The following GPC3 variants were observed in gnomAD, a reference collection of about 807,000 sequenced individuals.
GPC3 encodes the protein glypican 3.
In GPC3, 3 loss-of-function variants were observed where a neutral mutation model predicts 34.4. The ratio of observed to expected loss-of-function variants is 0.09; its 90% CI spans 0.04 to 0.23. GPC3 has a LOEUF of 0.23. Among genes scored for constraint, GPC3 ranks in the 10% least tolerant of loss-of-function variants. The pLI, the probability that GPC3 is intolerant of heterozygous loss-of-function variation, is 1.00. For missense variants in GPC3, 351 were observed against 445.6 expected, an observed-to-expected ratio of 0.79 and a Z score of 1.91; for synonymous variants, 177 against 174.0, an observed-to-expected ratio of 1.02 and a Z score of -0.13.
At chrX:133,592,487 A>G (rs1390362117) in intron 7 of GPC3, among the ~76,000 whole-genome samples, 1 of 110,114 alleles carries the variant, frequency 9.1e-6, no homozygotes, top group East Asian at 2.9e-4. Flanking sequence ...CACAGTGTTT[A>G]GAGCATAATA....
chrX:133,792,020 A>G (rs2072169673), intron 2 of GPC3, among the ~76,000 whole-genome samples: 1 of 108,040 alleles, frequency 9.3e-6, no homozygotes, highest in South Asian at 4.1e-4. Context: ...AGCTGGGACT[A>G]CAGACATGTG....
intron 7 of GPC3, among the ~76,000 whole-genome samples, chrX:133,581,632 T>C (rs1277632943): frequency 2.7e-5 from 3 of 112,647 alleles, no homozygotes; most frequent in Admixed American, 9.4e-5. Flanking sequence ...AATGCTTTCA[T>C]TGACTTTTGT....
At chrX:133,583,731 A>G (rs1488615452) in intron 7 of GPC3, among the ~76,000 whole-genome samples, 3 of 112,178 alleles carry the variant, frequency 2.7e-5, no homozygotes, top group Non-Finnish European at 5.6e-5. Context: ...TCTCAGGGCA[A>G]TCCATTCAAT....
intron 7 of GPC3, 129 bp from the exon 8 acceptor site, chrX:133,536,422 GA>G: frequency 8.7e-6 from 2 of 230,850 alleles, no homozygotes; most frequent in Non-Finnish European, 1.7e-5. Context: ...TTATGGGGGA[GA>G]AAAAGGCCAC....
intron 2 of GPC3, among the ~76,000 whole-genome samples, chrX:133,771,778 T>G (rs2071923378): frequency 8.9e-6 from 1 of 112,138 alleles, no homozygotes; most frequent in Admixed American, 9.4e-5. Context: ...TATTATATTC[T>G]CCTTAGGCTA....
At chrX:133,841,583 T>G (rs2075824730) in intron 2 of GPC3, among the ~76,000 whole-genome samples, 1 of 110,540 alleles carries the variant, frequency 9.0e-6, no homozygotes, top group Admixed American at 9.7e-5. Context: ...GCAATATATT[T>G]TAGAGATAGA....
intron 2 of GPC3, among the ~76,000 whole-genome samples, chrX:133,837,359 C>A (rs753332542): frequency 9.0e-6 from 1 of 111,508 alleles, no homozygotes; most frequent in Non-Finnish European, 1.9e-5. Flanking sequence ...GTAAAAAATC[C>A]CAGATGCTTC....
intron 2 of GPC3, among the ~76,000 whole-genome samples, chrX:133,857,187 T>C (rs1007263892): frequency 1.8e-5 from 2 of 111,575 alleles, no homozygotes; most frequent in Non-Finnish European, 3.8e-5. Flanking sequence ...TCCCCCTTCT[T>C]CTGACCTATT....
At chrX:133,594,898 T>C (rs758614592) in intron 7 of GPC3, among the ~76,000 whole-genome samples, 63 of 108,878 alleles carry the variant, frequency 5.8e-4, no homozygotes, top group African/African-American at 2.0e-3. Flanking sequence ...AAATAAATCA[T>C]AAAAAAAAGT....
intron 7 of GPC3, among the ~76,000 whole-genome samples, chrX:133,549,029 C>CAA (rs2069409905): frequency 9.0e-6 from 1 of 111,637 alleles, no homozygotes; most frequent in East Asian, 2.8e-4. Context: ...CACTCATCAT[C>CAA]AATGGGATTT....
intron 3 of GPC3, among the ~76,000 whole-genome samples, chrX:133,701,236 C>T (rs1016657383): frequency 6.3e-5 from 7 of 111,581 alleles, no homozygotes; most frequent in South Asian, 7.6e-4. Flanking sequence ...AATGAACCTC[C>T]ATATAAAGAA....
chrX:133,984,068 C>A (rs2076554113), intron 1 of GPC3, among the ~76,000 whole-genome samples: 1 of 113,020 alleles, frequency 8.8e-6, no homozygotes, highest in African/African-American at 3.2e-5. Flanking sequence ...CCACGGGGTG[C>A]GCATCCGCAT....
At chrX:133,798,725 AC>A (rs780408016) in intron 2 of GPC3, among the ~76,000 whole-genome samples, 4 of 112,150 alleles carry the variant, frequency 3.6e-5, no homozygotes, top group Non-Finnish European at 5.6e-5. Flanking sequence ...TGAGCACTGC[AC>A]CCTTTGCCTG....
At chrX:133,916,414 A>T (rs1306010754) in intron 2 of GPC3, among the ~76,000 whole-genome samples, 1 of 111,454 alleles carries the variant, frequency 9.0e-6, no homozygotes, top group Admixed American at 9.6e-5. Context: ...ATGGGTGAAT[A>T]ATTTTCTTAT....
At chrX:133,882,733 G>A (rs752762601) in intron 2 of GPC3, among the ~76,000 whole-genome samples, 1 of 111,792 alleles carries the variant, frequency 8.9e-6, no homozygotes, top group East Asian at 2.8e-4. Flanking sequence ...AACTTGTGCT[G>A]TGACTTTGAA....
At chrX:133,581,746 C>T (rs1426817364) in intron 7 of GPC3, among the ~76,000 whole-genome samples, 1 of 111,964 alleles carries the variant, frequency 8.9e-6, no homozygotes, top group African/African-American at 3.2e-5. Flanking sequence ...AGAGGTGACA[C>T]AAAAGTGAAA....
rs147231796 is a variant in GPC3, at chrX:133,985,278, G to A, written c.172C>T (p.Pro58Ser). Residue 58 changes from proline (P) to serine (S), a missense_variant, in exon 1 of 8, where the codon CCA (proline) becomes TCA (serine). By Grantham distance (74) the Pro-to-Ser change is moderately conservative. Transcript: ENST00000370818. Reference protein sequence around the residue: ...GLKWVPETPVPGSDLQVCLPK... With the variant: ...GLKWVPETPVSGSDLQVCLPK... ...CGCTCAAGGGACCCCTCCTCACCTG[G>A]CACGGGAGTTTCTGGCACCCACTTG... 2.5e-4 allele frequency: 299 copies of A among 1,209,394 alleles called. No individual in the cohort carries two copies. Among genetic ancestry groups the A allele is most frequent in the Non-Finnish European group, 3.2e-4 (290 of 894,537 alleles).
intron 2 of GPC3, among the ~76,000 whole-genome samples, chrX:133,756,126 C>T (rs1232364265): frequency 8.9e-6 from 1 of 112,090 alleles, no homozygotes; most frequent in Non-Finnish European, 1.9e-5. Flanking sequence ...TTACAACAAT[C>T]TTTTAAGTTT....
intron 7 of GPC3, among the ~76,000 whole-genome samples, chrX:133,557,422 T>A (rs2069500147): frequency 9.0e-6 from 1 of 111,586 alleles, no homozygotes; most frequent in South Asian, 3.8e-4. Flanking sequence ...TCACAGTGAC[T>A]CACCACAGAA....
Sources: allele counts gnomAD v4.1 joint callset (sites outside exome capture counted in the v4.1 genomes callset), GRCh38; gene constraint gnomAD v4.1.1; transcripts MANE v1.5; gene names NCBI Gene and HGNC (gene_info 2026-07-23, HGNC 2026-07-21).